The following AFF3 variants were observed in gnomAD, a reference collection of about 807,000 sequenced individuals.
AFF3 encodes ALF transcription elongation factor 3, also known as AF4/FMR2 family member 3.
Under a neutral mutation model 129.7 loss-of-function variants are expected in AFF3, and 32 were observed. The observed-to-expected ratio is 0.25, with a 90% CI of 0.19 to 0.33. The LOEUF (loss-of-function observed/expected upper bound fraction) is 0.33, where lower values mean the gene tolerates loss of function less well. AFF3 is among the 10% of genes least tolerant of loss of function. The pLI, the probability that AFF3 is intolerant of heterozygous loss-of-function variation, is 1.00. For synonymous variants in AFF3, 644 were observed against 635.4 expected, an observed-to-expected ratio of 1.01 and a Z score of -0.20; for missense variants, 1,373 against 1,592.0, an observed-to-expected ratio of 0.86 and a Z score of 2.34.
chr2:99,635,098 TGTATATGATATATACACATATCTCTAG>T (rs1351245135), intron 13 of AFF3, among the ~76,000 whole-genome samples: 76 of 151,300 alleles, frequency 5.0e-4, no homozygotes, highest in South Asian at 1.0e-3. Context: ...CATATCTCTA[TGTATATGATATATACACATATCTCTAG>T]GTATATGATA....
At chr2:99,553,936 A>AAAAAAAG (rs1674663293) in intron 24 of AFF3, among the ~76,000 whole-genome samples, 1 of 149,674 alleles carries the variant, frequency 6.7e-6, no homozygotes, top group African/African-American at 2.4e-5. Context: ...AAAAAAAAAA[A>AAAAAAAG]AAAAAGAAAA....
intron 11 of AFF3, among the ~76,000 whole-genome samples, chr2:99,683,094 T>G (rs962005576): frequency 3.9e-5 from 6 of 152,224 alleles, no homozygotes; most frequent in African/African-American, 1.4e-4. Flanking sequence ...TTGAAATACC[T>G]AGAGTGGTTT....
intron 8 of AFF3, among the ~76,000 whole-genome samples, chr2:99,761,184 T>TC (rs1682558660): frequency 6.7e-6 from 1 of 148,984 alleles, no homozygotes; most frequent in Non-Finnish European, 1.5e-5. Flanking sequence ...TCAGGTGACT[T>TC]CTTTTTTTTT....
chr2:99,877,779 T>C (rs567706273), intron 7 of AFF3, among the ~76,000 whole-genome samples: 3 of 152,366 alleles, frequency 2.0e-5, no homozygotes, highest in Non-Finnish European at 2.9e-5. Context: ...ATCTAGACTC[T>C]AGGTGTTAAT....
At chr2:100,003,229 C>T (rs1324143322) in intron 7 of AFF3, among the ~76,000 whole-genome samples, 1 of 152,158 alleles carries the variant, frequency 6.6e-6, no homozygotes, top group African/African-American at 2.4e-5. Context: ...AATTTGAGGT[C>T]CCACAAAACT....
intron 4 of AFF3, among the ~76,000 whole-genome samples, chr2:100,011,231 G>A (rs573273075): frequency 5.9e-5 from 9 of 152,244 alleles, no homozygotes; most frequent in Non-Finnish European, 1.2e-4. Context: ...CCGAGATTGC[G>A]CCACTGCACT....
chr2:99,854,247 C>CAA lies in AFF3; in HGVS notation c.874-16725_874-16724dup, dbSNP rs59998550. 6.5e-3 allele frequency among the ~76,000 whole-genome samples: 634 copies of CAA among 97,834 alleles called. 2 individuals are homozygous for CAA. The highest frequency in any genetic ancestry group is 0.018 in the African/African-American group (590 of 31,924). 64.2% of individuals were successfully genotyped at this position (97,834 alleles called of 152,430 possible). ...GTTATAAATGTAACACTATCTATAGCAAAAAAAAAAAAAAAAAGGAATAGA... is the reference window on the plus strand; with the variant it reads ...GTTATAAATGTAACACTATCTATAGCAAAAAAAAAAAAAAAAAAAGGAATAGA... On this transcript the variant is annotated intron_variant, in intron 7 of 24. Transcript: ENST00000672756.
At chr2:99,711,657 C>T (rs185024543) in intron 11 of AFF3, among the ~76,000 whole-genome samples, 3 of 152,338 alleles carry the variant, frequency 2.0e-5, no homozygotes, top group South Asian at 2.1e-4. Flanking sequence ...TGAAAGAAGA[C>T]GCACAGCGAA....
intron 7 of AFF3, among the ~76,000 whole-genome samples, chr2:99,918,731 T>C (rs77582117): frequency 0.012 from 1,835 of 152,272 alleles, 43 homozygotes; most frequent in African/African-American, 0.042. Context: ...TACTAGTAAT[T>C]ACTTGAAACC....
At chr2:100,046,397 G>C (rs546900182) in intron 4 of AFF3, among the ~76,000 whole-genome samples, 1 of 152,124 alleles carries the variant, frequency 6.6e-6, no homozygotes, top group Non-Finnish European at 1.5e-5. Context: ...CAAGTAAATA[G>C]TCAATAAGTG....
At chr2:99,587,010 G>C in intron 16 of AFF3, 144 bp downstream of exon 16, 1 of 1,067,246 alleles carries the variant, frequency 9.4e-7, no homozygotes, top group Non-Finnish European at 1.4e-6. Flanking sequence ...ATAATAATAA[G>C]ATTTGGGTTA....
At chr2:99,997,307 A>G (rs1680935677) in intron 7 of AFF3, among the ~76,000 whole-genome samples, 3 of 152,150 alleles carry the variant, frequency 2.0e-5, no homozygotes, top group African/African-American at 7.2e-5. Context: ...AGTTTTCCTC[A>G]TCTCAGTTGA....
intron 12 of AFF3, among the ~76,000 whole-genome samples, chr2:99,664,650 G>C (rs1686523696): frequency 6.6e-6 from 1 of 152,156 alleles, no homozygotes; most frequent in African/African-American, 2.4e-5. Flanking sequence ...AAAAATCATA[G>C]AGTTCAGGAA....
chr2:99,687,388 G>A (rs1675165445), intron 11 of AFF3, among the ~76,000 whole-genome samples: 1 of 152,192 alleles, frequency 6.6e-6, no homozygotes, highest in Non-Finnish European at 1.5e-5. Flanking sequence ...TATGGCAGGG[G>A]CCAGATGCGG....
chr2:100,099,970 A>G (rs555646983), intron 4 of AFF3, among the ~76,000 whole-genome samples: 186 of 136,974 alleles, frequency 1.4e-3, no homozygotes, highest in African/African-American at 4.9e-3. Context: ...AAGCATTTGA[A>G]AGTCACTGCC....
chr2:100,109,443 C>T (rs1286849030), intron 2 of AFF3, among the ~76,000 whole-genome samples: 2 of 148,096 alleles, frequency 1.4e-5, no homozygotes, highest in South Asian at 2.3e-4. Context: ...AAAAGCATCT[C>T]CTATCACAGA....
chr2:99,562,041 T>C (rs1675523670), intron 20 of AFF3, among the ~76,000 whole-genome samples: 1 of 152,246 alleles, frequency 6.6e-6, no homozygotes, highest in South Asian at 2.1e-4. Flanking sequence ...GTCATTCGAA[T>C]TGATTCTCCC....
chr2:99,629,300 T>C (rs936488433), intron 13 of AFF3, among the ~76,000 whole-genome samples: 1 of 152,190 alleles, frequency 6.6e-6, no homozygotes, highest in Non-Finnish European at 1.5e-5. Flanking sequence ...TGAGTGACTT[T>C]TGTCAGTGAA....
chr2:99,899,937 T>C (rs1489024619), intron 7 of AFF3, among the ~76,000 whole-genome samples: 2 of 152,230 alleles, frequency 1.3e-5, no homozygotes, highest in East Asian at 1.9e-4. Flanking sequence ...ATCAGGATGG[T>C]GTGCACTCTG....
Sources: gnomAD v4.1 joint callset for allele counts (sites outside exome capture counted in the v4.1 genomes callset) on GRCh38, gnomAD v4.1.1 for gene constraint, MANE v1.5 for transcripts, NCBI Gene and HGNC (gene_info 2026-07-23, HGNC 2026-07-21) for gene names.